Variants in FBXO15 observed in about 807,000 individuals in gnomAD.
FBXO15 encodes F-box only protein 15.
In FBXO15, 30 loss-of-function variants were observed where a neutral mutation model predicts 49.5. The ratio of observed to expected loss-of-function variants is 0.61; its 90% confidence interval spans 0.45 to 0.82. FBXO15 has a LOEUF of 0.82. Ranked by LOEUF, FBXO15 falls within the 40% of genes least tolerant of loss-of-function variation. FBXO15 has a pLI of 0.00. For missense variants in FBXO15, 591 were observed against 631.5 expected (o/e 0.94, Z 0.69); for synonymous variants, 250 against 232.7 (o/e 1.07, Z -0.68).
rs187669377 is a variant in FBXO15, at chr18:74,135,489, G to A, written c.332+273C>T. 2.7e-3 allele frequency among the ~76,000 whole-genome samples: 408 copies of A among 152,300 alleles called. 3 individuals carry two copies. The highest frequency in any genetic ancestry group is 9.3e-3 in the African/African-American group (387 of 41,568). ...GGTCTGATTCTGTGGGGAATACAGCGAAGACCTCCTGGCAACAGACCTGAA... is the reference window on the plus strand; with the variant it reads ...GGTCTGATTCTGTGGGGAATACAGCAAAGACCTCCTGGCAACAGACCTGAA... On this transcript the variant is annotated intron_variant, in intron 3 of 9. Transcript: ENST00000419743.
chr18:74,082,700 A>G (rs951819), intron 8 of FBXO15, among the ~76,000 whole-genome samples: 34,096 of 151,986 alleles, frequency 0.22, 5,030 homozygotes, highest in African/African-American at 0.4. Context: ...GGAGAGCCGC[A>G]GCACCACTCG....
At chr18:74,092,656 C>T (rs1261265430) in intron 8 of FBXO15, among the ~76,000 whole-genome samples, 1 of 152,120 alleles carries the variant, frequency 6.6e-6, no homozygotes, top group Non-Finnish European at 1.5e-5. Flanking sequence ...CAACGCTCAG[C>T]TCAGCACCCC....
intron 9 of FBXO15, among the ~76,000 whole-genome samples, chr18:74,077,362 G>A (rs1912296576): frequency 1.3e-5 from 2 of 152,326 alleles, no homozygotes; most frequent in Middle Eastern, 3.4e-3. Flanking sequence ...GGGTGAAGAA[G>A]CAGCCAGCAT....
chr18:74,093,845 C>T (rs1245301685), intron 8 of FBXO15, among the ~76,000 whole-genome samples: 2 of 152,196 alleles, frequency 1.3e-5, no homozygotes, highest in Non-Finnish European at 2.9e-5. Flanking sequence ...ATAGTGAATC[C>T]TTTCTGAAAG....
Position 74,073,446 on chromosome 18 carries a change from A to T in FBXO15, c.*15T>A. 6.2e-7 allele frequency: 1 copy of T among 1,602,442 alleles called. No individual in the cohort carries two copies. The highest frequency in any genetic ancestry group is 8.5e-7 in the Non-Finnish European group (1 of 1,174,318). On this transcript the variant is annotated 3_prime_UTR_variant, in exon 10 of 10. Transcript: ENST00000419743. ...AATAAACAACTAAATAACAACAATA[A>T]TTTGCCACCTACTGCTAATATTCAG...
At chr18:74,124,217 A>C (rs905072378) in intron 7 of FBXO15, among the ~76,000 whole-genome samples, 1 of 152,266 alleles carries the variant, frequency 6.6e-6, no homozygotes, top group Non-Finnish European at 1.5e-5. Context: ...CTTGAAGGAC[A>C]GTAGTGGCAT....
chr18:74,097,080 T>A (rs1324811865), intron 8 of FBXO15: 1 of 152,290 alleles, frequency 6.6e-6, no homozygotes, highest in Non-Finnish European at 1.5e-5. Flanking sequence ...GGAAAAGCCC[T>A]GTGGGCTCTC....
At chr18:74,126,183 C>T in intron 5 of FBXO15, 82 bp from the exon 6 acceptor site, 1 of 1,557,424 alleles carries the variant, frequency 6.4e-7, no homozygotes, top group Non-Finnish European at 8.7e-7. Flanking sequence ...TAGTGTATCA[C>T]AAATGTGTTT....
At chr18:74,083,793 C>A (rs893030978) in intron 8 of FBXO15, among the ~76,000 whole-genome samples, 1 of 152,198 alleles carries the variant, frequency 6.6e-6, no homozygotes, top group Non-Finnish European at 1.5e-5. Context: ...GCTCTTCCTA[C>A]ATTTAAACAG....
intron 9 of FBXO15, among the ~76,000 whole-genome samples, chr18:74,079,183 C>T (rs563268444): frequency 3.4e-4 from 52 of 152,252 alleles, no homozygotes; most frequent in Admixed American, 2.9e-3. Context: ...AAGAAACATA[C>T]GGGAAAAGCC....
intron 2 of FBXO15, among the ~76,000 whole-genome samples, chr18:74,136,357 T>C (rs1978724530): frequency 6.6e-6 from 1 of 152,194 alleles, no homozygotes; most frequent in Non-Finnish European, 1.5e-5. Flanking sequence ...ATTTTTTGTA[T>C]TTTTTGTGCA....
At chr18:74,128,231 AC>A (rs1978297513) in intron 5 of FBXO15, among the ~76,000 whole-genome samples, 1 of 152,156 alleles carries the variant, frequency 6.6e-6, no homozygotes, top group South Asian at 2.1e-4. Flanking sequence ...GAATAGTCTT[AC>A]ATTCAGAGCA....
At chr18:74,136,129 C>T (rs1475647928) in intron 2 of FBXO15, among the ~76,000 whole-genome samples, 2 of 152,210 alleles carry the variant, frequency 1.3e-5, no homozygotes, top group Non-Finnish European at 2.9e-5. Flanking sequence ...CACGTTCATA[C>T]ACTGTGAATC....
In FBXO15 at chr18:74,075,072, G is replaced by A. The variant is rs909514980; in HGVS notation, c.1264-1342C>T. ...ACCAAGCACAGCGGGAGGGCTGCAC[G>A]CAGAGCTGCTGGGTGCCCATGCAGC... On this transcript the variant is annotated intron_variant, in intron 9 of 9. Transcript: ENST00000419743. This position sits in a 1 kb window ranked among gnomAD's most constrained non-coding sequence, Gnocchi z 4.1. Among the ~76,000 whole-genome samples the A allele has an allele frequency of 3.9e-5, 6 of 152,200 alleles. No individual in the cohort carries two copies. The highest frequency in any genetic ancestry group is 1.3e-4 in the Admixed American group (2 of 15,286).
At chr18:74,147,440 A>G (rs3813117) in intron 1 of FBXO15, 144,438 of 1,159,260 alleles carry the variant, frequency 0.12, 10,224 homozygotes, top group East Asian at 0.31. Flanking sequence ...CAGGCGCCGC[A>G]AGAAAAAATA....
At chr18:74,096,747 G>T (rs966020917) in intron 8 of FBXO15, among the ~76,000 whole-genome samples, 1 of 151,916 alleles carries the variant, frequency 6.6e-6, no homozygotes, top group African/African-American at 2.4e-5. Context: ...CAAAATGGTA[G>T]TTTTAAGGAA....
At chr18:74,133,513 C>T (rs1978524534) in intron 3 of FBXO15, among the ~76,000 whole-genome samples, 1 of 152,330 alleles carries the variant, frequency 6.6e-6, no homozygotes, top group Middle Eastern at 3.4e-3. Flanking sequence ...TTGGTTGACT[C>T]CTTCCTTGAA....
At chr18:74,087,549 G>A (rs879531240) in intron 8 of FBXO15, among the ~76,000 whole-genome samples, 1 of 152,034 alleles carries the variant, frequency 6.6e-6, no homozygotes, top group Non-Finnish European at 1.5e-5. Flanking sequence ...ATCTATGTTG[G>A]TGTAAAGGAC....
At chr18:74,135,589 T>C (rs1978665467) in intron 3 of FBXO15, among the ~76,000 whole-genome samples, 173 bp downstream of exon 3, 1 of 152,212 alleles carries the variant, frequency 6.6e-6, no homozygotes, top group Non-Finnish European at 1.5e-5. Flanking sequence ...CCTTTAAGCA[T>C]ATAAATGCAA....
Sources: gnomAD v4.1 joint callset for allele counts (sites outside exome capture counted in the v4.1 genomes callset) on GRCh38, gnomAD v4.1.1 for gene constraint, Gnocchi (gnomAD v3.1) non-coding constraint, MANE v1.5 for transcripts, NCBI Gene and HGNC (gene_info 2026-07-23, HGNC 2026-07-21) for gene names.